RAB7A: variants seen among roughly 807,000 people sequenced by gnomAD.
The protein encoded by RAB7A is ras-related protein Rab-7a.
Under a neutral mutation model 24.5 loss-of-function variants are expected in RAB7A, and 2 were observed. The ratio of observed to expected loss-of-function variants is 0.08; its 90% confidence interval spans 0.03 to 0.26. The LOEUF is 0.26. RAB7A is among the 10% of genes least tolerant of loss of function. The pLI is 1.00. For missense variants in RAB7A, 118 were observed against 255.7 expected, an observed-to-expected ratio of 0.46 and a Z score of 3.67; for synonymous variants, 100 against 95.9, an observed-to-expected ratio of 1.04 and a Z score of -0.25.
intron 1 of RAB7A, among the ~76,000 whole-genome samples, chr3:128,763,335 C>T (rs1196970036): frequency 6.6e-6 from 1 of 150,850 alleles, no homozygotes; most frequent in Admixed American, 6.6e-5. Flanking sequence ...CTGCCTCAGC[C>T]TCCCGAGTAG....
At chr3:128,796,574 G>A (rs1933582087) in intron 2 of RAB7A, among the ~76,000 whole-genome samples, 1 of 152,178 alleles carries the variant, frequency 6.6e-6, no homozygotes, top group Admixed American at 6.5e-5. Context: ...ATGCAGGTAT[G>A]CTTCTTTATT....
intron 3 of RAB7A, among the ~76,000 whole-genome samples, chr3:128,802,368 T>C (rs2107614030): frequency 6.6e-6 from 1 of 152,330 alleles, no homozygotes; most frequent in East Asian, 1.9e-4. Context: ...ATTGTGAGTT[T>C]GTGGTAGTTT....
In RAB7A at chr3:128,808,232, C is replaced by T. The variant is rs577727866; in HGVS notation, c.528+561C>T. On this transcript the variant is annotated intron_variant, in intron 5 of 5. Transcript: ENST00000265062. ...AAAATTAGCCAGACCTGGTGGTGGT[C>T]GCCAGTAATCCCAGCTACTCGGGAG... 3.3e-5 allele frequency among the ~76,000 whole-genome samples: 5 copies of T among 151,904 alleles called. No homozygotes were observed. In the East Asian group the frequency reaches 5.8e-4, roughly 18 times the overall value.
At chr3:128,741,233 T>G (rs2070550356) in intron 1 of RAB7A, among the ~76,000 whole-genome samples, 2 of 152,172 alleles carry the variant, frequency 1.3e-5, no homozygotes, top group Non-Finnish European at 2.9e-5. Flanking sequence ...GCAAACATTA[T>G]TCCTGGCTTG....
At chr3:128,750,467 G>T (rs1203576341) in intron 1 of RAB7A, among the ~76,000 whole-genome samples, 2 of 152,024 alleles carry the variant, frequency 1.3e-5, no homozygotes, top group Admixed American at 1.3e-4. Flanking sequence ...TCACCATGTT[G>T]GCCAGGCTGG....
chr3:128,780,204 A>T (rs773985686), intron 1 of RAB7A, among the ~76,000 whole-genome samples: 3 of 152,242 alleles, frequency 2.0e-5, no homozygotes, highest in Non-Finnish European at 2.9e-5. Context: ...ACACAATTTT[A>T]TGACCCTGAT....
At chr3:128,807,778 G>A in intron 5 of RAB7A, 107 bp downstream of exon 5, 1 of 1,507,770 alleles carries the variant, frequency 6.6e-7, no homozygotes, top group South Asian at 1.1e-5. Flanking sequence ...ACTCTTTTCT[G>A]TATAGCCAGA....
Position 128,813,309 on chromosome 3 carries a change from C to A in RAB7A, c.529-18C>A. On this transcript the variant is annotated intron_variant, in intron 5 of 5. Transcript: ENST00000265062. ...TCTATTCCCTGAGTAACCAACCTTT[C>A]TCTGTTTCCTTGTCCAGGAAACGGA... The A allele has an allele frequency of 6.2e-7, 1 of 1,609,618 alleles. No individual in the cohort carries two copies. Among genetic ancestry groups the A allele is most frequent in the Non-Finnish European group, 8.5e-7 (1 of 1,175,916 alleles).
chr3:128,726,787 G>A (rs2070385008), intron 1 of RAB7A, among the ~76,000 whole-genome samples: 1 of 152,208 alleles, frequency 6.6e-6, no homozygotes, highest in South Asian at 2.1e-4. Context: ...GGCGCTGGGG[G>A]CCGAGCCGCG....
chr3:128,755,524 T>G (rs1468923923), intron 1 of RAB7A, among the ~76,000 whole-genome samples: 2 of 151,888 alleles, frequency 1.3e-5, no homozygotes, highest in African/African-American at 4.8e-5. Flanking sequence ...ATAGAAAAAT[T>G]CAGCAAATCC....
intron 3 of RAB7A, among the ~76,000 whole-genome samples, chr3:128,804,009 C>T (rs959636788): frequency 2.6e-5 from 4 of 152,124 alleles, no homozygotes; most frequent in Non-Finnish European, 4.4e-5. Context: ...ATAAAAGCCC[C>T]TTACTCAAGC....
At chr3:128,772,860 A>G (rs980666019) in intron 1 of RAB7A, among the ~76,000 whole-genome samples, 4 of 152,226 alleles carry the variant, frequency 2.6e-5, no homozygotes, top group Non-Finnish European at 1.5e-5. Context: ...CCGAGGTGCC[A>G]GGATTGCAGA....
At position 128,796,705 on chromosome 3, in the gene RAB7A, C is replaced by T. The variant is rs369021257; in HGVS notation, c.54-1238C>T. ...GAGAGACAGGGTCTCGCTCTGTTGC[C>T]CAGACTAAAGTGAATGGTGCAATCA... On this transcript the variant is annotated intron_variant, in intron 2 of 5. Transcript: ENST00000265062. Among the ~76,000 whole-genome samples the T allele has an allele frequency of 1.1e-4, 16 of 152,140 alleles. 1 individual carries two copies. The highest frequency in any genetic ancestry group is 3.3e-4 in the Admixed American group (5 of 15,282).
At chr3:128,729,664 A>G (rs2070415137) in intron 1 of RAB7A, among the ~76,000 whole-genome samples, 1 of 152,176 alleles carries the variant, frequency 6.6e-6, no homozygotes, top group Non-Finnish European at 1.5e-5. Context: ...AGATGTAGCA[A>G]ACACAGACCA....
Position 128,795,163 on chromosome 3 carries a change from G to A in RAB7A, c.-8-197G>A, listed in dbSNP as rs531963839. The A allele has an allele frequency of 1.6e-5, 10 of 639,434 alleles. No homozygotes were observed. In the Admixed American group the frequency reaches 2.1e-4, roughly 13 times the overall value. The allele number at this position is 639,434 out of a possible 1,614,324, so 39.6% of individuals were successfully genotyped here. On this transcript the variant is annotated intron_variant, in intron 1 of 5. Transcript: ENST00000265062. ...AGGGGCAGGATGGCCCTGCTGTGCT[G>A]TTCTGCCTCGCTCTTGGGTCCAGAG...
chr3:128,801,788 G>T (rs1933704226), intron 3 of RAB7A, among the ~76,000 whole-genome samples: 1 of 152,118 alleles, frequency 6.6e-6, no homozygotes, highest in South Asian at 2.1e-4. Context: ...TCGAGAATTG[G>T]TGTGGCACCA....
At chr3:128,797,189 G>T (rs1181902007) in intron 2 of RAB7A, among the ~76,000 whole-genome samples, 1 of 152,148 alleles carries the variant, frequency 6.6e-6, no homozygotes, top group Non-Finnish European at 1.5e-5. Flanking sequence ...AGATGGTCTG[G>T]GTTGGAAAAC....
chr3:128,763,617 T>C (rs2107597315), intron 1 of RAB7A, among the ~76,000 whole-genome samples: 1 of 152,260 alleles, frequency 6.6e-6, no homozygotes, highest in African/African-American at 2.4e-5. Context: ...ATTAAGGTAG[T>C]CACAGCCATA....
chr3:128,813,390 G>A lies in RAB7A; in HGVS notation c.592G>A (p.Ala198Thr), dbSNP rs748832566. 7 of 1,614,078 alleles carry A rather than the reference G, an allele frequency of 4.3e-6. No individual in the cohort carries two copies. The Admixed American group carries it at 1.2e-4, about 27-fold the overall frequency. The change falls in exon 6 of 6, where the codon GCC becomes ACC. Residue 198 changes from alanine (A) to threonine (T), a missense_variant. By Grantham distance (58) the Ala-to-Thr change is moderately conservative. Around this residue, in one of 2 missense-constraint regions of RAB7A, gnomAD observed 66 missense variants for 82.2 expected, o/e 0.80. Transcript: ENST00000265062. ...TATCAAACTGGACAAGAATGACCGG[G>A]CCAAGGCCTCGGCAGAAAGCTGCAG... ...EPIKLDKNDR[A>T]KASAESCSC
Sources: gnomAD v4.1 joint callset for allele counts (sites outside exome capture counted in the v4.1 genomes callset) on GRCh38, gnomAD v4.1.1 for gene constraint, gnomAD v4.1.1 regional missense constraint, MANE v1.5 for transcripts, NCBI Gene and HGNC (gene_info 2026-07-23, HGNC 2026-07-21) for gene names.